SETBP1: variants seen among roughly 807,000 people sequenced by gnomAD.
The protein encoded by SETBP1 is SET-binding protein.
SETBP1 carries 9 observed loss-of-function variants against 101.0 expected under a neutral mutation model. The observed-to-expected ratio is 0.09, with a 90% confidence interval of 0.05 to 0.16. The LOEUF is 0.16. SETBP1 is among the 10% of genes least tolerant of loss of function. The probability of loss-of-function intolerance (pLI) is 1.00; values close to 1 mark genes in which losing one functional copy is unlikely to be tolerated. For missense variants in SETBP1, 1,858 were observed against 2,033.8 expected (o/e 0.91, Z 1.66); for synonymous variants, 818 against 788.5 (o/e 1.04, Z -0.63).
rs148539401 is a variant in SETBP1, at chr18:44,792,181, A to G, written c.487-77049A>G. ...AAATTGTTACCATCAGCAAAGGGGG[A>G]GTACAGGACTAGGAGATCCCCAATG... On this transcript the variant is annotated intron_variant, in intron 2 of 5. Coordinates refer to ENST00000649279, the MANE Select transcript of SETBP1 (RefSeq NM_015559.3). Among the ~76,000 whole-genome samples the G allele has an allele frequency of 8.4e-3, 1,272 of 152,280 alleles. 21 individuals are homozygous for G. The highest frequency in any genetic ancestry group is 0.028 in the African/African-American group (1,184 of 41,550).
Position 44,890,924 on chromosome 18 carries a change from T to C in SETBP1, c.540+21641T>C, listed in dbSNP as rs2069753654. 2.6e-5 allele frequency among the ~76,000 whole-genome samples: 4 copies of C among 152,106 alleles called. No homozygotes were observed. The South Asian group carries it at 8.3e-4, about 31-fold the overall frequency. On this transcript the variant is annotated intron_variant, in intron 3 of 5. Transcript: ENST00000649279. The stretch of plus-strand genomic sequence containing the variant: ...CAAGTCTAGGGTTCTTGGCAAACAC[T>C]AAATGCTAAAACATTTGACAAGGAA...
chr18:44,976,498 T>C (rs1278503010), intron 4 of SETBP1, among the ~76,000 whole-genome samples: 1 of 152,220 alleles, frequency 6.6e-6, no homozygotes, highest in Non-Finnish European at 1.5e-5. Flanking sequence ...CTGCTGTGCC[T>C]AGTCTGGGCA....
At chr18:44,814,143 T>G (rs1200286469) in intron 2 of SETBP1, among the ~76,000 whole-genome samples, 1 of 150,932 alleles carries the variant, frequency 6.6e-6, no homozygotes, top group Non-Finnish European at 1.5e-5. Context: ...CCAGTGGGAG[T>G]AGGGTGATGG....
chr18:44,755,547 G>C (rs1486204196), intron 2 of SETBP1, among the ~76,000 whole-genome samples: 2 of 151,682 alleles, frequency 1.3e-5, no homozygotes, highest in Admixed American at 6.6e-5. Flanking sequence ...TTGGACTCTG[G>C]AACTTACAGC....
intron 5 of SETBP1, among the ~76,000 whole-genome samples, chr18:45,044,247 C>G (rs886805486): frequency 1.3e-5 from 2 of 152,172 alleles, no homozygotes; most frequent in Non-Finnish European, 2.9e-5. Context: ...AGTCTAAACA[C>G]TTAAAATATT....
chr18:45,043,482 A>C (rs1023048762), intron 5 of SETBP1, among the ~76,000 whole-genome samples: 1 of 151,862 alleles, frequency 6.6e-6, no homozygotes, highest in African/African-American at 2.4e-5. Context: ...CTATCATTGG[A>C]TCTCAACTGC....
intron 2 of SETBP1, among the ~76,000 whole-genome samples, chr18:44,771,678 T>C (rs1166652704): frequency 1.3e-5 from 2 of 152,104 alleles, no homozygotes; most frequent in Non-Finnish European, 2.9e-5. Flanking sequence ...GGGACCACGT[T>C]ATGCCTGGGA....
At chr18:44,794,136 G>A (rs1486249972) in intron 2 of SETBP1, among the ~76,000 whole-genome samples, 1 of 152,102 alleles carries the variant, frequency 6.6e-6, no homozygotes, top group East Asian at 1.9e-4. Context: ...AAATAAGAGG[G>A]GGAATGGGGA....
intron 3 of SETBP1, chr18:44,877,401 G>C: frequency 3.1e-6 from 3 of 980,152 alleles, no homozygotes; most frequent in East Asian, 2.3e-4. Context: ...TTTAATAAAA[G>C]AGTAGGATTT....
At chr18:44,828,577 C>T (rs78665986) in intron 2 of SETBP1, among the ~76,000 whole-genome samples, 9,368 of 152,128 alleles carry the variant, frequency 0.062, 287 homozygotes, top group Middle Eastern at 0.13. Context: ...TATGAAGGGT[C>T]GTACAGAAAG....
chr18:44,793,322 C>T (rs928640958), intron 2 of SETBP1, among the ~76,000 whole-genome samples: 1 of 152,200 alleles, frequency 6.6e-6, no homozygotes, highest in Non-Finnish European at 1.5e-5. Context: ...GCTGGGGCCA[C>T]ACAACCAGAG....
intron 5 of SETBP1, among the ~76,000 whole-genome samples, chr18:45,056,242 A>ATGTTTTTCTGTTGAAAAGTCT: frequency 6.6e-6 from 1 of 152,196 alleles, no homozygotes; most frequent in Non-Finnish European, 1.5e-5. Context: ...GTATTTTGAA[A>ATGTTTTTCTGTTGAAAAGTCT]TGTTTTTCTG....
In SETBP1 at chr18:44,953,145, G is replaced by A. The variant is rs2071402817; in HGVS notation, c.3805G>A (p.Asp1269Asn). ...CTKRYSGSGG[D>N]GGSTRSENLD... is the part of the protein sequence containing the mutation. Reference sequence around the variant, plus strand: ...GAAAAGATACTCTGGCAGTGGCGGGGATGGTGGCAGCACGAGATCAGAGAA... The same window carrying A: ...GAAAAGATACTCTGGCAGTGGCGGGAATGGTGGCAGCACGAGATCAGAGAA... Residue 1269 changes from aspartate (D) to asparagine (N), a missense_variant, in exon 4 of 6, where the codon GAT becomes AAT. This residue lies in a region of SETBP1 where 417 missense variants were observed against 389.1 expected (regional missense o/e 1.07). Transcript: ENST00000649279. 6.2e-7 allele frequency: 1 copy of A among 1,614,040 alleles called. No homozygotes were observed. The highest frequency in any genetic ancestry group is 1.1e-5 in the South Asian group (1 of 91,086).
In SETBP1 at chr18:44,701,789, G is replaced by A. The variant is rs376890297; in HGVS notation, c.443G>A (p.Ser148Asn). 6.2e-7 allele frequency: 1 copy of A among 1,607,750 alleles called. No individual in the cohort carries two copies. The highest frequency in any genetic ancestry group is 1.1e-5 in the South Asian group (1 of 91,032). ...AAGGTGTCCCGTGCTGGAAAAAATA[G>A]CAAAGCCACGAAGGAGGAAGAAAGA... Reference protein sequence around the residue: ...DQKVSRAGKNSKATKEEERSH... With the variant: ...DQKVSRAGKNNKATKEEERSH... Residue 148 changes from serine (S) to asparagine (N), a missense_variant, in exon 2 of 6, where the codon AGC becomes AAC. Coordinates refer to ENST00000649279, the MANE Select transcript of SETBP1 (RefSeq NM_015559.3).
chr18:44,787,905 A>G (rs1268012550), intron 2 of SETBP1, among the ~76,000 whole-genome samples: 1 of 143,616 alleles, frequency 7.0e-6, no homozygotes, highest in Non-Finnish European at 1.5e-5. Context: ...AAGGAAAAAA[A>G]GGAAATAAGA....
chr18:44,958,225 A>C (rs536981072), intron 4 of SETBP1, among the ~76,000 whole-genome samples: 9 of 152,352 alleles, frequency 5.9e-5, no homozygotes, highest in African/African-American at 1.7e-4. Context: ...TATCCAAGTT[A>C]TTGACCATGT....
In SETBP1 at chr18:45,066,771, T is replaced by G. The variant is rs2073972952; in HGVS notation, c.*3073T>G. 1 of 152,064 alleles carries G rather than the reference T, an allele frequency of 6.6e-6. No individual in the cohort carries two copies. Among genetic ancestry groups the G allele is most frequent in the Admixed American group, 6.6e-5 (1 of 15,266 alleles). The allele number at this position is 152,064 out of a possible 1,614,324, so 9.4% of individuals were successfully genotyped here. A position where few individuals can be genotyped will look rare whatever the true frequency, so the allele number is the denominator to read the frequency against. On this transcript the variant is annotated 3_prime_UTR_variant, in exon 6 of 6. Transcript: ENST00000649279. ...TAAGAGAAACCCCTTGATTTTTATT[T>G]CTTTTTCTTTTGTTTTCTGGATTAC...
At chr18:44,905,596 TG>T (rs1327170289) in intron 3 of SETBP1, among the ~76,000 whole-genome samples, 1 of 152,120 alleles carries the variant, frequency 6.6e-6, no homozygotes, top group African/African-American at 2.4e-5. Flanking sequence ...ACTGAAGAAT[TG>T]GGTGAACTTT....
intron 2 of SETBP1, among the ~76,000 whole-genome samples, chr18:44,745,367 C>T (rs970919693): frequency 1.3e-5 from 2 of 151,988 alleles, no homozygotes; most frequent in Non-Finnish European, 2.9e-5. Context: ...AAAAACGCTG[C>T]GGGGCTAGGG....
Sources: allele counts gnomAD v4.1 joint callset (sites outside exome capture counted in the v4.1 genomes callset), GRCh38; gene constraint gnomAD v4.1.1; regional missense constraint gnomAD v4.1.1; transcripts MANE v1.5; gene names NCBI Gene and HGNC (gene_info 2026-07-23, HGNC 2026-07-21).